Variants in HMGB1 observed in about 807,000 individuals in gnomAD.
The protein encoded by HMGB1 is high mobility group box 1, also known as high mobility group protein B1.
For missense variants in HMGB1, 79 were observed against 253.5 expected (o/e 0.31, Z 4.67); for synonymous variants, 81 against 84.0 (o/e 0.96, Z 0.19).
intron 1 of HMGB1, among the ~76,000 whole-genome samples, chr13:30,582,145 C>T (rs944454445): frequency 3.9e-5 from 6 of 152,072 alleles, no homozygotes; most frequent in African/African-American, 4.8e-5. Context: ...GGGATGTTTC[C>T]GTGTGCCAGG....
intron 1 of HMGB1, among the ~76,000 whole-genome samples, chr13:30,614,977 T>C (rs2137579878): frequency 6.6e-6 from 1 of 152,058 alleles, no homozygotes; most frequent in Admixed American, 6.6e-5. Context: ...CCCAAAGTGC[T>C]GGGATTACAG....
At chr13:30,567,748 T>A (rs1186482510) in intron 1 of HMGB1, among the ~76,000 whole-genome samples, 1 of 152,202 alleles carries the variant, frequency 6.6e-6, no homozygotes, top group Non-Finnish European at 1.5e-5. Flanking sequence ...AACATACTGA[T>A]AGCTGCTGAA....
chr13:30,500,448 CA>C (rs1448197262), intron 1 of HMGB1, among the ~76,000 whole-genome samples: 1 of 151,896 alleles, frequency 6.6e-6, no homozygotes, highest in Non-Finnish European at 1.5e-5. Context: ...TGGCTCACCT[CA>C]GCCCTGAATT....
At chr13:30,506,802 C>T (rs528787641) in intron 1 of HMGB1, among the ~76,000 whole-genome samples, 1 of 152,280 alleles carries the variant, frequency 6.6e-6, no homozygotes, top group African/African-American at 2.4e-5. Context: ...TTACCTGGCA[C>T]TTCTGTCCCC....
chr13:30,527,577 T>A (rs1425946586), intron 1 of HMGB1, among the ~76,000 whole-genome samples: 2 of 151,994 alleles, frequency 1.3e-5, no homozygotes, highest in Non-Finnish European at 2.9e-5. Flanking sequence ...CACCACGACA[T>A]CCAGCACTGC....
chr13:30,464,674 G>A (rs1886614240), intron 1 of HMGB1: 1 of 979,262 alleles, frequency 1.0e-6, no homozygotes, highest in South Asian at 4.7e-5. Flanking sequence ...CGGGGCCGGC[G>A]CGCACGGAAT....
intron 1 of HMGB1, among the ~76,000 whole-genome samples, chr13:30,577,696 A>G (rs976396620): frequency 2.0e-5 from 3 of 152,242 alleles, no homozygotes; most frequent in Non-Finnish European, 4.4e-5. Context: ...TCTGTGTGTC[A>G]GTAACCTCCC....
intron 1 of HMGB1, among the ~76,000 whole-genome samples, chr13:30,544,155 A>G (rs1312289290): frequency 1.3e-5 from 2 of 152,188 alleles, no homozygotes; most frequent in Admixed American, 1.3e-4. Flanking sequence ...CCTGGGATTG[A>G]ACATGCAAGT....
At chr13:30,549,625 C>T (rs1158520516) in intron 1 of HMGB1, among the ~76,000 whole-genome samples, 1 of 151,974 alleles carries the variant, frequency 6.6e-6, no homozygotes, top group Non-Finnish European at 1.5e-5. Flanking sequence ...GAACTCCTGG[C>T]CTCAACAGAC....
At position 30,538,486 on chromosome 13, in the gene HMGB1, C is replaced by CTT. The variant is rs1404740734; in HGVS notation, c.-14-74794_-14-74793dup. ...TCTTTCTTTCTTTCTTTCTTTCTTT[C>CTT]TTTCTTTCTTTCTTTCTTTCTTTCC... On this transcript the variant is annotated intron_variant, in intron 1 of 4. Transcript: ENST00000405805. Among the ~76,000 whole-genome samples the CTT allele has an allele frequency of 3.8e-3, 137 of 36,400 alleles. 1 individual carries two copies. The highest frequency in any genetic ancestry group is 0.012 in the African/African-American group (134 of 11,486). 23.9% of individuals were successfully genotyped at this position (36,400 alleles called of 152,430 possible).
intron 1 of HMGB1, among the ~76,000 whole-genome samples, chr13:30,473,917 G>C (rs1442710974): frequency 6.6e-6 from 1 of 152,174 alleles, no homozygotes; most frequent in Non-Finnish European, 1.5e-5. Context: ...ATATATATTT[G>C]ACATTATGCT....
At chr13:30,553,922 C>G in intron 1 of HMGB1, 2 of 1,433,568 alleles carry the variant, frequency 1.4e-6, no homozygotes, top group African/African-American at 1.4e-5. Context: ...GGAGTTACAT[C>G]TTAACACCGG....
At chr13:30,516,518 TAA>T (rs1050312913) in intron 1 of HMGB1, among the ~76,000 whole-genome samples, 6 of 152,254 alleles carry the variant, frequency 3.9e-5, no homozygotes, top group East Asian at 1.9e-4. Flanking sequence ...TTTTTTTATA[TAA>T]GAGGTTGTTT....
intron 1 of HMGB1, among the ~76,000 whole-genome samples, chr13:30,496,838 A>G (rs890171519): frequency 6.6e-6 from 1 of 152,148 alleles, no homozygotes; most frequent in African/African-American, 2.4e-5. Flanking sequence ...TTACTCTTCC[A>G]CACAGACATT....
chr13:30,567,818 TGAAG>T (rs1870254150), intron 1 of HMGB1, among the ~76,000 whole-genome samples: 1 of 152,208 alleles, frequency 6.6e-6, no homozygotes, highest in Non-Finnish European at 1.5e-5. Flanking sequence ...CCACACCACA[TGAAG>T]GAACTTCTAG....
Position 30,457,574 on chromosome 13 carries a change from T to C in HMGB1, c.*3783A>G, listed in dbSNP as rs1240335208. 6.6e-6 allele frequency: 1 copy of C among 152,134 alleles called. No homozygotes were observed. Among genetic ancestry groups the C allele is most frequent in the East Asian group, 1.9e-4 (1 of 5,206 alleles). 9.4% of individuals were successfully genotyped at this position (152,134 alleles called of 1,614,324 possible). A position where few individuals can be genotyped will look rare whatever the true frequency, so the allele number is the denominator to read the frequency against. ...CTCTCATGTCAAAATAAGTAAAAAT[T>C]CCACTAATTAGAAGGTCCAAACCAA... is the stretch of plus-strand genomic sequence containing the variant. On this transcript the variant is annotated 3_prime_UTR_variant, in exon 5 of 5. Transcript: ENST00000341423.
intron 1 of HMGB1, among the ~76,000 whole-genome samples, chr13:30,577,342 T>TA (rs5802577): frequency 9.5e-4 from 122 of 128,222 alleles, no homozygotes; most frequent in East Asian, 3.1e-3. Context: ...CCAGTCTCTT[T>TA]AAAAAAAAAA....
At chr13:30,549,707 G>A (rs951404124) in intron 1 of HMGB1, among the ~76,000 whole-genome samples, 1 of 64,150 alleles carries the variant, frequency 1.6e-5, no homozygotes, top group African/African-American at 3.4e-5. Flanking sequence ...AACACTAATT[G>A]TTTGTTTTTT....
At chr13:30,469,207 T>C (rs1317904330), upstream of HMGB1, among the ~76,000 whole-genome samples, 1 of 152,164 alleles carries the variant, frequency 6.6e-6, no homozygotes, top group East Asian at 1.9e-4. Flanking sequence ...TTGGGTGTTT[T>C]ATCCCAAATT....
Sources: gnomAD v4.1 joint callset for allele counts (sites outside exome capture counted in the v4.1 genomes callset) on GRCh38, gnomAD v4.1.1 for gene constraint, MANE v1.5 for transcripts, NCBI Gene and HGNC (gene_info 2026-07-23, HGNC 2026-07-21) for gene names.